ZNF503: variants seen among roughly 807,000 people sequenced by gnomAD.
ZNF503 encodes the protein zinc finger protein 503.
ZNF503 carries 15 observed loss-of-function variants against 34.4 expected under a neutral mutation model. The ratio of observed to expected loss-of-function variants is 0.44; its 90% confidence interval spans 0.29 to 0.67. The LOEUF (loss-of-function observed/expected upper bound fraction) is 0.67. Among genes scored for constraint, ZNF503 ranks in the 30% least tolerant of loss-of-function variants. The pLI, the probability that ZNF503 is intolerant of heterozygous loss-of-function variation, is 0.13. For missense variants in ZNF503, 1,007 were observed against 926.8 expected (o/e 1.09, Z -1.12); for synonymous variants, 580 against 456.8 (o/e 1.27, Z -3.44).
At chr10:75,367,442 G>A in the ZNF503 span, among the ~76,000 whole-genome samples, 45 of 152,320 alleles carry the variant, frequency 3.0e-4, no homozygotes, top group South Asian at 7.7e-3. Context: ...GTTTGGTGGC[G>A]TTTGTGGCTG....
At position 75,399,953 on chromosome 10, in the gene ZNF503, C is replaced by A. The variant is rs971163307; in HGVS notation, c.737G>T (p.Gly246Val). The change falls in exon 2 of 2, where the codon GGG (glycine) becomes GTG (valine). Residue 246 changes from glycine (G) to valine (V), a missense_variant. Transcript: ENST00000372524. ...GTCGTCCTTGCCCTCCGGGGCACCC[C>A]CGGCCGAGGACAGCATACCTCCCGG... Reference protein sequence around the residue: ...CSPGGMLSSAGGAPEGKDDKK... With the variant: ...CSPGGMLSSAVGAPEGKDDKK... 3 of 1,606,384 alleles carry A rather than the reference C, an allele frequency of 1.9e-6. No individual in the cohort carries two copies. Among genetic ancestry groups the A allele is most frequent in the Non-Finnish European group, 2.5e-6 (3 of 1,179,452 alleles).
the ZNF503 span, among the ~76,000 whole-genome samples, chr10:75,348,295 C>T: frequency 0.015 from 2,221 of 151,066 alleles, 58 homozygotes; most frequent in African/African-American, 0.051. Context: ...CGCCTGACCT[C>T]AAGTGATCCG....
At chr10:75,308,195 C>CTTTTTTT in the ZNF503 span, among the ~76,000 whole-genome samples, 206 of 133,218 alleles carry the variant, frequency 1.5e-3, 1 homozygote, top group African/African-American at 4.8e-3. Flanking sequence ...GACAATACAT[C>CTTTTTTT]TTTTTTTTTT....
the ZNF503 span, among the ~76,000 whole-genome samples, chr10:75,366,382 T>A: frequency 6.6e-6 from 1 of 152,172 alleles, no homozygotes; most frequent in East Asian, 1.9e-4. Flanking sequence ...CGTCTGCTCA[T>A]AATAGCCTGG....
chr10:75,353,279 G>T, the ZNF503 span, among the ~76,000 whole-genome samples: 2 of 152,104 alleles, frequency 1.3e-5, no homozygotes, highest in Non-Finnish European at 2.9e-5. Flanking sequence ...CTTCCACCAC[G>T]TTCTTTTAAC....
At chr10:75,285,692 AGTCAGGTCTTTGT>A in the ZNF503 span, among the ~76,000 whole-genome samples, 1 of 152,194 alleles carries the variant, frequency 6.6e-6, no homozygotes, top group East Asian at 1.9e-4. Context: ...AAATGCTACA[AGTCAGGTCTTTGT>A]GTTTGTTTAT....
chr10:75,324,597 G>A, the ZNF503 span, among the ~76,000 whole-genome samples: 2 of 152,090 alleles, frequency 1.3e-5, no homozygotes, highest in East Asian at 1.9e-4. Flanking sequence ...AAATTTTTGG[G>A]ATTGTAGGCG....
downstream of ZNF503, among the ~76,000 whole-genome samples, chr10:75,393,923 A>G (rs1255467735): frequency 6.6e-6 from 1 of 152,216 alleles, no homozygotes; most frequent in Non-Finnish European, 1.5e-5. Flanking sequence ...AAATAAAATA[A>G]TAACAATAAC....
chr10:75,393,783 C>T (rs568296350), downstream of ZNF503, among the ~76,000 whole-genome samples: 5 of 151,928 alleles, frequency 3.3e-5, no homozygotes, highest in East Asian at 1.9e-4. Context: ...CACTTGAACC[C>T]GGGAGGCAGA....
At chr10:75,332,985 G>T in the ZNF503 span, among the ~76,000 whole-genome samples, 1 of 146,264 alleles carries the variant, frequency 6.8e-6, no homozygotes, top group Non-Finnish European at 1.5e-5. Flanking sequence ...TCAATGAGCT[G>T]TTGGGCACAC....
the ZNF503 span, among the ~76,000 whole-genome samples, chr10:75,371,989 GCA>G: frequency 6.6e-6 from 1 of 152,204 alleles, no homozygotes; most frequent in Non-Finnish European, 1.5e-5. Flanking sequence ...GAGTGCAGTG[GCA>G]CAATCTCTGC....
chr10:75,362,684 A>T, the ZNF503 span, among the ~76,000 whole-genome samples: 10 of 152,170 alleles, frequency 6.6e-5, no homozygotes, highest in Non-Finnish European at 2.9e-5. Flanking sequence ...ACTGGGTATG[A>T]GGCACTAATG....
chr10:75,304,532 A>G, the ZNF503 span, among the ~76,000 whole-genome samples: 1 of 152,156 alleles, frequency 6.6e-6, no homozygotes, highest in Non-Finnish European at 1.5e-5. Context: ...ACTACTCTCA[A>G]TATGTCCACC....
chr10:75,327,940 AAAT>A, the ZNF503 span, among the ~76,000 whole-genome samples: 4 of 142,388 alleles, frequency 2.8e-5, no homozygotes, highest in Non-Finnish European at 4.6e-5. Flanking sequence ...TTTAAAAATC[AAAT>A]AATAATAATT....
At chr10:75,374,554 A>G in the ZNF503 span, among the ~76,000 whole-genome samples, 2 of 152,266 alleles carry the variant, frequency 1.3e-5, no homozygotes, top group South Asian at 4.1e-4. Context: ...CCCGAAGGTC[A>G]GAGAGGCCTT....
chr10:75,352,584 G>C, the ZNF503 span, among the ~76,000 whole-genome samples: 1 of 152,164 alleles, frequency 6.6e-6, no homozygotes, highest in African/African-American at 2.4e-5. Flanking sequence ...GTATGAATGC[G>C]TGCTGGTCTT....
At chr10:75,292,854 C>T in the ZNF503 span, among the ~76,000 whole-genome samples, 10 of 152,166 alleles carry the variant, frequency 6.6e-5, no homozygotes, top group African/African-American at 2.4e-4. Flanking sequence ...TTTTGCCTAC[C>T]TCCTCGTTCT....
the ZNF503 span, among the ~76,000 whole-genome samples, chr10:75,377,514 T>G: frequency 6.6e-6 from 1 of 152,154 alleles, no homozygotes; most frequent in Non-Finnish European, 1.5e-5. Flanking sequence ...ATATGACACA[T>G]GCATGGGGTG....
At chr10:75,317,476 G>A in the ZNF503 span, among the ~76,000 whole-genome samples, 1 of 149,536 alleles carries the variant, frequency 6.7e-6, no homozygotes, top group Non-Finnish European at 1.5e-5. Context: ...TAGAAGAGAC[G>A]GGGTTTCACC....
Sources: gnomAD v4.1 joint callset for allele counts (sites outside exome capture counted in the v4.1 genomes callset) on GRCh38, gnomAD v4.1.1 for gene constraint, MANE v1.5 for transcripts, NCBI Gene and HGNC (gene_info 2026-07-23, HGNC 2026-07-21) for gene names.